CACNA2D4: variants seen among roughly 807,000 people sequenced by gnomAD.
The protein encoded by CACNA2D4 is calcium voltage-gated channel auxiliary subunit alpha2delta 4.
A neutral mutation model predicts 163.8 loss-of-function variants in CACNA2D4; 157 were observed. The observed-to-expected ratio is 0.96, with a 90% CI of 0.84 to 1.09. CACNA2D4 has a LOEUF of 1.09. Among genes scored for constraint, CACNA2D4 ranks in the 50% least tolerant of loss-of-function variants. The pLI is 0.00. For synonymous variants in CACNA2D4, 598 were observed against 586.9 expected (o/e 1.02, Z -0.27); for missense variants, 1,410 against 1,479.9 (o/e 0.95, Z 0.78).
chr12:1,903,558 A>C (rs1278579914), intron 6 of CACNA2D4, among the ~76,000 whole-genome samples: 1 of 152,076 alleles, frequency 6.6e-6, no homozygotes, highest in Non-Finnish European at 1.5e-5. Flanking sequence ...AAATGGGAAA[A>C]AATCTGAATG....
chr12:1,916,507 G>A (rs1438211557), intron 1 of CACNA2D4, among the ~76,000 whole-genome samples: 1 of 152,214 alleles, frequency 6.6e-6, no homozygotes, highest in Non-Finnish European at 1.5e-5. Context: ...CTCAAGGAGA[G>A]TGTGCAGCGT....
rs907350015 is a variant in CACNA2D4, at chr12:1,917,990, C to G, written c.227+257G>C. ...CCAGGAAGACAGCAGCCCTGATGAT[C>G]AGTTCTTCCTAAAGCCATCCGGCTC... On this transcript the variant is annotated intron_variant, in intron 1 of 37. Transcript: ENST00000382722. The surrounding 1 kb of genome is among the most constrained non-coding windows in gnomAD (Gnocchi z 4.3). 6.9e-6 allele frequency: 3 copies of G among 436,356 alleles called. No homozygotes were observed. The highest frequency in any genetic ancestry group is 1.2e-5 in the Non-Finnish European group (3 of 245,044). 27.0% of individuals were successfully genotyped at this position (436,356 alleles called of 1,614,324 possible).
chr12:1,909,007 C>T (rs1439097060), intron 4 of CACNA2D4, among the ~76,000 whole-genome samples: 1 of 152,172 alleles, frequency 6.6e-6, no homozygotes, highest in Non-Finnish European at 1.5e-5. Flanking sequence ...CCCTGCCCTG[C>T]TCAAGCCTTC....
In CACNA2D4 at chr12:1,828,457, C is replaced by T. The variant is rs1047427369; in HGVS notation, c.2551+12282G>A. 6.6e-6 allele frequency among the ~76,000 whole-genome samples: 1 copy of T among 152,232 alleles called. No individual in the cohort carries two copies. The highest frequency in any genetic ancestry group is 1.5e-5 in the Non-Finnish European group (1 of 68,036). Reference sequence around the variant, plus strand: ...TTAGACCTGGAGCTGGAGGCCACGACAGTTGTTCTACCTCCCCCAGGTAAG... The same window carrying T: ...TTAGACCTGGAGCTGGAGGCCACGATAGTTGTTCTACCTCCCCCAGGTAAG... On this transcript the variant is annotated intron_variant, in intron 26 of 37. Coordinates refer to ENST00000382722, the MANE Select transcript of CACNA2D4 (RefSeq NM_172364.5). This position sits in a 1 kb window ranked among gnomAD's most constrained non-coding sequence, Gnocchi z 4.2.
In CACNA2D4 at chr12:1,799,862, C is replaced by G. The variant is rs752570271; in HGVS notation, c.2974+138G>C. 1.6e-6 allele frequency: 2 copies of G among 1,256,472 alleles called. No homozygotes were observed. Among genetic ancestry groups the G allele is most frequent in the Non-Finnish European group, 2.3e-6 (2 of 886,156 alleles). The allele number at this position is 1,256,472 out of a possible 1,614,324, so 77.8% of individuals were successfully genotyped here. On this transcript the variant is annotated intron_variant, in intron 33 of 37. Coordinates refer to ENST00000382722, the MANE Select transcript of CACNA2D4 (RefSeq NM_172364.5). The surrounding 1 kb of genome is among the most constrained non-coding windows in gnomAD (Gnocchi z 4.7). ...TGAGGGATGTGATGAGAGAAGGCCA[C>G]GCAGGGTGAGATGTGAACAACGATG...
chr12:1,917,550 C>T lies in CACNA2D4; in HGVS notation c.227+697G>A, dbSNP rs1157727241. On this transcript the variant is annotated intron_variant, in intron 1 of 37. Transcript: ENST00000382722. This position sits in a 1 kb window ranked among gnomAD's most constrained non-coding sequence, Gnocchi z 4.3. ...CCCACATGTATTGGAAATTTCCTTC[C>T]TAGGACCACCTGAGCTAGGGCCTAA... Among the ~76,000 whole-genome samples the T allele has an allele frequency of 6.6e-6, 1 of 152,076 alleles. No homozygotes were observed. Among genetic ancestry groups the T allele is most frequent in the Non-Finnish European group, 1.5e-5 (1 of 67,980 alleles).
chr12:1,886,831 T>C (rs1278845042), intron 7 of CACNA2D4, among the ~76,000 whole-genome samples, 178 bp downstream of exon 7: 4 of 152,052 alleles, frequency 2.6e-5, no homozygotes, highest in Non-Finnish European at 5.9e-5. Flanking sequence ...AAGGCAATTG[T>C]AGAGGGAAGG....
chr12:1,859,455 G>A (rs574087189), intron 19 of CACNA2D4, among the ~76,000 whole-genome samples: 10 of 152,292 alleles, frequency 6.6e-5, no homozygotes, highest in South Asian at 2.1e-4. Flanking sequence ...AGGGCTTTAC[G>A]GAGAAATCAG....
intron 26 of CACNA2D4, among the ~76,000 whole-genome samples, chr12:1,838,588 C>G (rs773214060): frequency 7.4e-4 from 113 of 152,228 alleles, no homozygotes; most frequent in Admixed American, 3.3e-4. Flanking sequence ...TCATGCACCC[C>G]AGAGTGTAAG....
In CACNA2D4 at chr12:1,860,129, A is replaced by G. The variant is rs1295760652; in HGVS notation, c.1940+16T>C. 6.2e-7 allele frequency: 1 copy of G among 1,607,642 alleles called. No individual in the cohort carries two copies. The highest frequency in any genetic ancestry group is 8.5e-7 in the Non-Finnish European group (1 of 1,174,306). ...TTCAACCCTCACCCCGTGCAAATAA[A>G]GCCTGTGTCCCTCACCTGAAAGGGG... On this transcript the variant is annotated intron_variant, in intron 19 of 37. Coordinates refer to ENST00000382722, the MANE Select transcript of CACNA2D4 (RefSeq NM_172364.5).
chr12:1,795,308 G>A lies in CACNA2D4; in HGVS notation c.3300C>T (p.Phe1100=). 2.5e-6 allele frequency: 4 copies of A among 1,613,260 alleles called. No individual in the cohort carries two copies. The highest frequency in any genetic ancestry group is 3.4e-6 in the Non-Finnish European group (4 of 1,179,852). ...LRRRPDSCHA[F]HPEENAQDCG... is the part of the protein sequence containing the mutation. ...CCGCCTCAACCCGCACCTCTGGATG[G>A]AAGGCGTGGCAGGAGTCTGGTCGCC... Residue 1100 remains phenylalanine, a synonymous_variant, in exon 37 of 38, where the codon TTC becomes TTT. Coordinates refer to ENST00000382722, the MANE Select transcript of CACNA2D4 (RefSeq NM_172364.5).
rs754181370 is a variant in CACNA2D4 at position 1,834,463 on chromosome 12, G to A, written c.2551+6276C>T. Reference sequence around the variant, plus strand: ...CTAAGCCCAAGCCCGGGGCTGAGCCGGAGCCGGAGCCCAGCACAGCCTGCC... The same window carrying A: ...CTAAGCCCAAGCCCGGGGCTGAGCCAGAGCCGGAGCCCAGCACAGCCTGCC... On this transcript the variant is annotated intron_variant, in intron 26 of 37. Transcript: ENST00000382722. The surrounding 1 kb of genome is among the most constrained non-coding windows in gnomAD (Gnocchi z 7.6). 31 of 1,610,726 alleles carry A rather than the reference G, an allele frequency of 1.9e-5. No homozygotes were observed. Among genetic ancestry groups the A allele is most frequent in the Middle Eastern group, 1.6e-4 (1 of 6,080 alleles).
intron 13 of CACNA2D4, 39 bp from the exon 14 acceptor site, chr12:1,879,920 C>T: frequency 6.8e-7 from 1 of 1,470,246 alleles, no homozygotes. Context: ...AAGGTGCGGC[C>T]TAGGGCCACT....
rs1863241765 is a variant in CACNA2D4, at chr12:1,799,597, T to C, written c.2995+78A>G. ...TTGGGGTCATTCCTGGGACAGGTCA[T>C]GGAGGGTGGGTTCTTTGTAGCTCCT... On this transcript the variant is annotated intron_variant, in intron 34 of 37. Coordinates refer to ENST00000382722, the MANE Select transcript of CACNA2D4 (RefSeq NM_172364.5). This position sits in a 1 kb window ranked among gnomAD's most constrained non-coding sequence, Gnocchi z 4.7. 2.1e-6 allele frequency: 3 copies of C among 1,455,144 alleles called. No individual in the cohort carries two copies. Among genetic ancestry groups the C allele is most frequent in the South Asian group, 2.4e-5 (2 of 81,916 alleles). 90.1% of individuals were successfully genotyped at this position (1,455,144 alleles called of 1,614,324 possible).
intron 29 of CACNA2D4, among the ~76,000 whole-genome samples, chr12:1,807,306 C>G (rs567809464): frequency 1.2e-4 from 18 of 151,672 alleles, no homozygotes; most frequent in South Asian, 1.0e-3. Flanking sequence ...AGATCCTTCT[C>G]CAGTCAAGCC....
intron 23 of CACNA2D4, among the ~76,000 whole-genome samples, chr12:1,847,062 C>T (rs74986996): frequency 6.6e-6 from 1 of 152,196 alleles, no homozygotes; most frequent in Admixed American, 6.5e-5. Flanking sequence ...ATGCCCAGCA[C>T]GTACCAGGCA....
chr12:1,894,205 G>C (rs1365693100), intron 6 of CACNA2D4, among the ~76,000 whole-genome samples: 1 of 152,056 alleles, frequency 6.6e-6, no homozygotes, highest in African/African-American at 2.4e-5. Context: ...TAGAAAACCT[G>C]AACAGACCAA....
chr12:1,909,293 G>C (rs1327923800), intron 4 of CACNA2D4, among the ~76,000 whole-genome samples: 1 of 152,218 alleles, frequency 6.6e-6, no homozygotes, highest in Non-Finnish European at 1.5e-5. Flanking sequence ...CCGGGTTCAC[G>C]CCATTCTCCT....
intron 31 of CACNA2D4, chr12:1,800,757 G>A (rs1474712306): frequency 1.7e-6 from 1 of 593,688 alleles, no homozygotes. Context: ...AAGCGGCAGT[G>A]TCAGGGGCTG....
Sources: gnomAD v4.1 joint callset for allele counts (sites outside exome capture counted in the v4.1 genomes callset) on GRCh38, gnomAD v4.1.1 for gene constraint, Gnocchi (gnomAD v3.1) non-coding constraint, MANE v1.5 for transcripts, NCBI Gene and HGNC (gene_info 2026-07-23, HGNC 2026-07-21) for gene names.